The following NCAPG variants were observed in gnomAD, a reference collection of about 807,000 sequenced individuals.
The protein encoded by NCAPG is condensin complex subunit 3.
Under a neutral mutation model 113.1 loss-of-function variants are expected in NCAPG, and 69 were observed. The ratio of observed to expected loss-of-function variants is 0.61; its 90% CI spans 0.50 to 0.75. The LOEUF is 0.75. NCAPG is among the 30% of genes least tolerant of loss of function. The pLI, the probability that NCAPG is intolerant of heterozygous loss-of-function variation, is 0.00. For missense variants in NCAPG, 1,058 were observed against 1,177.0 expected (o/e 0.90, Z 1.48); for synonymous variants, 370 against 415.8 (o/e 0.89, Z 1.34).
rs1721287753 is a variant in NCAPG, at chr4:17,818,023, T to C, written c.1053T>C (p.Asp351=). 1 of 1,613,592 alleles carries C rather than the reference T, an allele frequency of 6.2e-7. No individual in the cohort carries two copies. The highest frequency in any genetic ancestry group is 1.3e-5 in the African/African-American group (1 of 75,006). ...GTGAATATTTGAAATCAAAAGGAGA[T>C]GAAGGTGAAGAATTTTTAGAGCAGA... ...ALCEYLKSKG[D]EGEEFLEQIL... is the part of the protein sequence containing the mutation. Residue 351 remains aspartate, a synonymous_variant, in exon 7 of 21, where the codon GAT becomes GAC. Coordinates refer to ENST00000251496, the MANE Select transcript of NCAPG (RefSeq NM_022346.5).
At chr4:17,842,400 A>C in intron 20 of NCAPG, 21 bp downstream of exon 20, 1 of 1,595,596 alleles carries the variant, frequency 6.3e-7, no homozygotes, top group African/African-American at 1.3e-5. Flanking sequence ...CATGTCTAGA[A>C]TATATGGAGG....
At chr4:17,843,063 A>T (rs1348046616) in intron 20 of NCAPG, 1 of 296,564 alleles carries the variant, frequency 3.4e-6, no homozygotes, top group Non-Finnish European at 6.4e-6. Context: ...TTTCCTGTAT[A>T]ACACCAGGTT....
At chr4:17,834,653 A>C (rs1722016268) in intron 14 of NCAPG, 130 bp downstream of exon 14, 4 of 571,530 alleles carry the variant, frequency 7.0e-6, no homozygotes, top group Non-Finnish European at 1.1e-5. Context: ...GGTTTGTTAC[A>C]TAGGTATACA....
chr4:17,830,746 T>C (rs1721837116), intron 12 of NCAPG, among the ~76,000 whole-genome samples: 1 of 152,130 alleles, frequency 6.6e-6, no homozygotes, highest in South Asian at 2.1e-4. Context: ...GGGAATAGTA[T>C]ATATCATGTT....
At chr4:17,825,145 T>G in intron 10 of NCAPG, 88 bp downstream of exon 10, 1 of 969,660 alleles carries the variant, frequency 1.0e-6, no homozygotes, top group Middle Eastern at 2.2e-4. Context: ...TTCTGAAATG[T>G]TTCTCACATA....
intron 14 of NCAPG, among the ~76,000 whole-genome samples, chr4:17,836,607 G>T (rs1413988115): frequency 6.6e-6 from 1 of 152,114 alleles, no homozygotes. Flanking sequence ...GTTAATATTT[G>T]TATATGGTCT....
intron 19 of NCAPG, chr4:17,841,417 C>A (rs982129328): frequency 6.6e-6 from 1 of 151,738 alleles, no homozygotes; most frequent in Non-Finnish European, 1.5e-5. Flanking sequence ...TGTTTTGTAA[C>A]CAGTAAATTA....
intron 7 of NCAPG, among the ~76,000 whole-genome samples, chr4:17,820,284 G>A (rs1260427199): frequency 2.6e-5 from 4 of 151,868 alleles, no homozygotes; most frequent in Non-Finnish European, 5.9e-5. Flanking sequence ...TAACCTCTTC[G>A]ACTTATTTTC....
intron 12 of NCAPG, among the ~76,000 whole-genome samples, chr4:17,829,672 A>G (rs1721788800): frequency 6.6e-6 from 1 of 152,240 alleles, no homozygotes; most frequent in Non-Finnish European, 1.5e-5. Flanking sequence ...TGTTTGGATA[A>G]AAGTTATATT....
At chr4:17,825,715 T>G in intron 11 of NCAPG, 154 bp downstream of exon 11, 1 of 616,842 alleles carries the variant, frequency 1.6e-6, no homozygotes, top group African/African-American at 2.0e-5. Context: ...TTTCCCTGTT[T>G]CTATTTTTGG....
At chr4:17,836,217 T>C (rs1021803620) in intron 14 of NCAPG, among the ~76,000 whole-genome samples, 17 of 152,200 alleles carry the variant, frequency 1.1e-4, no homozygotes, top group African/African-American at 3.6e-4. Flanking sequence ...TGACTAGTGA[T>C]GTTGAGTATC....
At chr4:17,832,766 G>C (rs945708101) in intron 13 of NCAPG, among the ~76,000 whole-genome samples, 7 of 152,090 alleles carry the variant, frequency 4.6e-5, no homozygotes, top group Admixed American at 2.6e-4. Context: ...TAAAGGTAGG[G>C]GAGATGAAGA....
Position 17,821,843 on chromosome 4 carries a change from G to A in NCAPG, c.1119-1140G>A, listed in dbSNP as rs762574436. ...ACTTCCATCTTAAAGGCACTTCGCTGTCTAAGCTTCAATTCTTAGTTCTGC... is the reference window on the plus strand; with the variant it reads ...ACTTCCATCTTAAAGGCACTTCGCTATCTAAGCTTCAATTCTTAGTTCTGC... On this transcript the variant is annotated intron_variant, in intron 7 of 20. Coordinates refer to ENST00000251496, the MANE Select transcript of NCAPG (RefSeq NM_022346.5). 2.9e-4 allele frequency among the ~76,000 whole-genome samples: 44 copies of A among 152,084 alleles called. 1 individual carries two copies. Among genetic ancestry groups the A allele is most frequent in the Admixed American group, 2.6e-4 (4 of 15,274 alleles).
chr4:17,839,767 C>T lies in NCAPG; in HGVS notation c.2558C>T (p.Ala853Val), dbSNP rs760110517. 1 of 1,583,832 alleles carries T rather than the reference C, an allele frequency of 6.3e-7. No homozygotes were observed. The highest frequency in any genetic ancestry group is 2.3e-5 in the East Asian group (1 of 44,138). ...CCAGAAATTCGAGTCTATACAAAAG[C>T]CTTGAGTTCTTTAGAACTCAGTAGC... The part of the protein sequence containing the change: ...CSPEIRVYTK[A>V]LSSLELSSHL... The change falls in exon 17 of 21, where the codon GCC becomes GTC. Residue 853 changes from alanine (A) to valine (V), a missense_variant. Coordinates refer to ENST00000251496, the MANE Select transcript of NCAPG (RefSeq NM_022346.5).
intron 16 of NCAPG, 133 bp from the exon 17 acceptor site, chr4:17,839,543 A>T: frequency 1.7e-6 from 1 of 585,730 alleles, no homozygotes. Context: ...GGAGGATGTT[A>T]AATTTGGTTT....
intron 13 of NCAPG, 149 bp from the exon 14 acceptor site, chr4:17,834,150 G>A (rs1324560184): frequency 6.0e-6 from 3 of 501,740 alleles, no homozygotes; most frequent in Admixed American, 3.9e-5. Flanking sequence ...AATTTTAACT[G>A]TATTTTTGAA....
intron 14 of NCAPG, among the ~76,000 whole-genome samples, chr4:17,836,085 T>C (rs1722081498): frequency 6.6e-6 from 1 of 152,248 alleles, no homozygotes; most frequent in African/African-American, 2.4e-5. Context: ...ATCTTCAGTG[T>C]AGAAGGTTTT....
Position 17,840,173 on chromosome 4 carries a change from G to A in NCAPG, c.2731G>A (p.Ala911Thr). 6.2e-7 allele frequency: 1 copy of A among 1,608,832 alleles called. No homozygotes were observed. The highest frequency in any genetic ancestry group is 1.1e-5 in the South Asian group (1 of 90,116). The change falls in exon 18 of 21, where the codon GCC becomes ACC. Residue 911 changes from alanine (A) to threonine (T), a missense_variant. Physicochemically the swap from Ala to Thr is moderately conservative, Grantham distance 58. Coordinates refer to ENST00000251496, the MANE Select transcript of NCAPG (RefSeq NM_022346.5). The stretch of plus-strand genomic sequence containing the variant: ...TGACCAAGCTGAAGCAGCACAGGAT[G>A]CCACCTTGACTACAACTACTTTCCA... Reference protein sequence around the residue: ...FGDQAEAAQDATLTTTTFQNE... With the variant: ...FGDQAEAAQDTTLTTTTFQNE...
At position 17,828,142 on chromosome 4, in the gene NCAPG, C is replaced by T. The variant is rs556055510; in HGVS notation, c.1654-136C>T. 1.1e-5 allele frequency: 5 copies of T among 458,164 alleles called. No individual in the cohort carries two copies. The South Asian group carries it at 2.2e-4, about 21-fold the overall frequency. The allele number at this position is 458,164 out of a possible 1,614,324, so 28.4% of individuals were successfully genotyped here. On this transcript the variant is annotated intron_variant, in intron 11 of 20. Coordinates refer to ENST00000251496, the MANE Select transcript of NCAPG (RefSeq NM_022346.5). Reference sequence around the variant, plus strand: ...AAATCCTGCCTCTACCATTTACTATCTGTGTGATAGCTGTAAGATCACCTA... The same window carrying T: ...AAATCCTGCCTCTACCATTTACTATTTGTGTGATAGCTGTAAGATCACCTA...
Sources: gnomAD v4.1 joint callset for allele counts (sites outside exome capture counted in the v4.1 genomes callset) on GRCh38, gnomAD v4.1.1 for gene constraint, MANE v1.5 for transcripts, NCBI Gene and HGNC (gene_info 2026-07-23, HGNC 2026-07-21) for gene names.